EPB41L4B: variants seen among roughly 807,000 people sequenced by gnomAD.
EPB41L4B encodes the protein band 4.1-like protein 4B.
Under a neutral mutation model 112.5 loss-of-function variants are expected in EPB41L4B, and 30 were observed. The ratio of observed to expected loss-of-function variants is 0.27; its 90% CI spans 0.20 to 0.36. The LOEUF is 0.36. Ranked by LOEUF, EPB41L4B falls within the 10% of genes least tolerant of loss-of-function variation. EPB41L4B has a pLI of 1.00. For synonymous variants in EPB41L4B, 408 were observed against 439.7 expected, an observed-to-expected ratio of 0.93 and a Z score of 0.90; for missense variants, 1,024 against 1,133.3, an observed-to-expected ratio of 0.90 and a Z score of 1.38.
At position 109,320,226 on chromosome 9, in the gene EPB41L4B, T is replaced by C; in HGVS notation, c.221A>G (p.His74Arg). The stretch of plus-strand genomic sequence containing the variant: ...CTTGGCGGCGCCGGCGGCGGAGATG[T>C]GCACGGCCGCGCCGCCGGTGAGCAG... ...GPLLTGGAAV[H>R]ISAAGAAKAT... is the part of the protein sequence containing the mutation. The change falls in exon 1 of 26, where the codon CAC becomes CGC. Residue 74 changes from histidine to arginine, a missense_variant. His to Arg is a conservative substitution (Grantham distance 29, BLOSUM62 0). Transcript: ENST00000374566. The C allele has an allele frequency of 3.0e-6, 4 of 1,327,148 alleles. No individual in the cohort carries two copies. The highest frequency in any genetic ancestry group is 3.9e-6 in the Non-Finnish European group (4 of 1,034,988). The allele number at this position is 1,327,148 out of a possible 1,614,324, so 82.2% of individuals were successfully genotyped here.
intron 15 of EPB41L4B, among the ~76,000 whole-genome samples, chr9:109,220,202 C>A (rs947916530): frequency 6.6e-6 from 1 of 152,092 alleles, no homozygotes; most frequent in African/African-American, 2.4e-5. Flanking sequence ...TGTAGAATTT[C>A]TTTTCAGTGG....
intron 15 of EPB41L4B, chr9:109,240,223 G>A (rs1460428575): frequency 1.0e-6 from 1 of 985,184 alleles, no homozygotes; most frequent in African/African-American, 1.7e-5. Context: ...AAGATGAAAA[G>A]ATTCAGAACA....
chr9:109,230,833 G>A (rs1833929112), intron 15 of EPB41L4B, among the ~76,000 whole-genome samples: 1 of 152,074 alleles, frequency 6.6e-6, no homozygotes, highest in African/African-American at 2.4e-5. Flanking sequence ...CTAGTGAGAA[G>A]GTTGACTCTA....
rs774052433 is a variant in EPB41L4B, at chr9:109,255,685, A to T, written c.1000-5T>A. The T allele has an allele frequency of 1.2e-6, 2 of 1,611,766 alleles. No homozygotes were observed. Among genetic ancestry groups the T allele is most frequent in the Non-Finnish European group, 1.7e-6 (2 of 1,178,092 alleles). ...CGTGTGCTCTTGCTCACGTCCCTTA[A>T]AGAGGAAGCACAAGGGCCTCGAGTG... On this transcript the variant is annotated splice_polypyrimidine_tract_variant and splice_region_variant and intron_variant, in intron 10 of 25. Transcript: ENST00000374566.
intron 1 of EPB41L4B, among the ~76,000 whole-genome samples, chr9:109,317,795 A>G (rs1306140694): frequency 2.0e-5 from 3 of 152,220 alleles, no homozygotes; most frequent in African/African-American, 7.2e-5. Context: ...GGGCCCAGGA[A>G]GCGGTAAAAA....
At chr9:109,315,606 C>A (rs1027356625) in intron 1 of EPB41L4B, among the ~76,000 whole-genome samples, 1 of 152,174 alleles carries the variant, frequency 6.6e-6, no homozygotes, top group Non-Finnish European at 1.5e-5. Context: ...GGTTCCAACT[C>A]TTTCACTGAC....
At chr9:109,279,969 A>G (rs201542558) in intron 1 of EPB41L4B, 48 bp from the exon 2 acceptor site, 397 of 1,455,546 alleles carry the variant, frequency 2.7e-4, no homozygotes, top group Non-Finnish European at 3.4e-4. Context: ...AGACAGCTAG[A>G]TAAGAAAAAA....
chr9:109,193,635 G>T (rs1286995065), intron 21 of EPB41L4B, among the ~76,000 whole-genome samples: 1 of 152,184 alleles, frequency 6.6e-6, no homozygotes, highest in Non-Finnish European at 1.5e-5. Context: ...ACAGCAATAG[G>T]TTCAATTGTA....
intron 1 of EPB41L4B, among the ~76,000 whole-genome samples, chr9:109,308,642 C>A (rs1200373661): frequency 2.0e-5 from 3 of 152,186 alleles, no homozygotes; most frequent in Non-Finnish European, 4.4e-5. Flanking sequence ...CCAGGCTGGC[C>A]TCGGATTCCT....
At chr9:109,191,212 A>G (rs1832448137) in intron 22 of EPB41L4B, among the ~76,000 whole-genome samples, 1 of 152,186 alleles carries the variant, frequency 6.6e-6, no homozygotes, top group Non-Finnish European at 1.5e-5. Context: ...AAAGCCCAAA[A>G]TGGAGGAAGC....
chr9:109,194,523 C>G (rs1321727546), intron 20 of EPB41L4B, 126 bp from the exon 21 acceptor site: 1 of 978,942 alleles, frequency 1.0e-6, no homozygotes, highest in Middle Eastern at 2.5e-4. Flanking sequence ...AAACAGATGT[C>G]CACCAGATGT....
chr9:109,304,475 G>A (rs750662019), intron 1 of EPB41L4B, among the ~76,000 whole-genome samples: 6 of 152,180 alleles, frequency 3.9e-5, no homozygotes, highest in African/African-American at 9.7e-5. Flanking sequence ...TCCTGGAGCC[G>A]TATCATATGT....
In EPB41L4B at chr9:109,217,140, G is replaced by A. The variant is rs376339080; in HGVS notation, c.1415C>T (p.Pro472Leu). 6.2e-6 allele frequency: 10 copies of A among 1,613,498 alleles called. No homozygotes were observed. The highest frequency in any genetic ancestry group is 4.4e-5 in the South Asian group (4 of 91,054). Residue 472 changes from proline to leucine, a missense_variant, in exon 16 of 26, where the codon CCG becomes CTG. Physicochemically the swap from Pro to Leu is moderately conservative, Grantham distance 98. Coordinates refer to ENST00000374566, the MANE Select transcript of EPB41L4B (RefSeq NM_019114.5). Reference sequence around the variant, plus strand: ...GCTGCTAAGCACTGGGGAAGGGAGCGGGTAGCTGTGGAGGGTGACACAGTC... The same window carrying A: ...GCTGCTAAGCACTGGGGAAGGGAGCAGGTAGCTGTGGAGGGTGACACAGTC... The part of the protein sequence containing the change: ...WHPHSPNVSY[P>L]LPSPVLSSSD...
chr9:109,283,742 C>T (rs1055056468), intron 1 of EPB41L4B, among the ~76,000 whole-genome samples: 1 of 152,110 alleles, frequency 6.6e-6, no homozygotes, highest in Non-Finnish European at 1.5e-5. Context: ...AATAGTTGTA[C>T]AGATGCTCCT....
intron 1 of EPB41L4B, among the ~76,000 whole-genome samples, chr9:109,309,135 G>T (rs1355794312): frequency 6.6e-6 from 1 of 152,156 alleles, no homozygotes; most frequent in Non-Finnish European, 1.5e-5. Context: ...GGGCAGTAGG[G>T]AGGGGTATAA....
At chr9:109,245,523 T>C (rs778924415) in intron 14 of EPB41L4B, among the ~76,000 whole-genome samples, 1 of 152,178 alleles carries the variant, frequency 6.6e-6, no homozygotes, top group African/African-American at 2.4e-5. Flanking sequence ...GCATGTTTGC[T>C]TGTCATAGTA....
At chr9:109,302,530 A>G (rs1443681393) in intron 1 of EPB41L4B, among the ~76,000 whole-genome samples, 1 of 152,126 alleles carries the variant, frequency 6.6e-6, no homozygotes, top group Non-Finnish European at 1.5e-5. Flanking sequence ...AGGGGGCCAC[A>G]ATTCAGCCCC....
intron 1 of EPB41L4B, among the ~76,000 whole-genome samples, chr9:109,289,116 A>G (rs993358841): frequency 6.6e-5 from 10 of 152,080 alleles, no homozygotes; most frequent in African/African-American, 2.4e-4. Context: ...AAAAACATCC[A>G]CCAGAGAATA....
chr9:109,250,413 A>G (rs964216617), intron 13 of EPB41L4B, among the ~76,000 whole-genome samples: 10 of 152,158 alleles, frequency 6.6e-5, no homozygotes, highest in African/African-American at 1.7e-4. Context: ...GCCCATCTCA[A>G]AGACCACCCT....
Sources: gnomAD v4.1 joint callset for allele counts (sites outside exome capture counted in the v4.1 genomes callset) on GRCh38, gnomAD v4.1.1 for gene constraint, MANE v1.5 for transcripts, NCBI Gene and HGNC (gene_info 2026-07-23, HGNC 2026-07-21) for gene names.